COBL: variants seen among roughly 807,000 people sequenced by gnomAD.
The protein encoded by COBL is cordon-bleu WH2 repeat protein.
COBL carries 51 observed loss-of-function variants against 98.8 expected under a neutral mutation model. That is an observed-to-expected ratio of 0.52 (90% CI 0.41 to 0.65). The LOEUF is 0.65. COBL is among the 30% of genes least tolerant of loss of function. The pLI is 0.00. For missense variants in COBL, 1,617 were observed against 1,617.5 expected (o/e 1.00, Z 0.01); for synonymous variants, 634 against 651.7 (o/e 0.97, Z 0.41).
chr7:51,073,685 T>A (rs995035481), intron 7 of COBL, among the ~76,000 whole-genome samples: 26 of 152,158 alleles, frequency 1.7e-4, no homozygotes, highest in Non-Finnish European at 1.6e-4. Flanking sequence ...GGATTTGGTA[T>A]GAAACCTAAG....
intron 5 of COBL, among the ~76,000 whole-genome samples, chr7:51,157,736 T>C (rs1786328816): frequency 6.6e-6 from 1 of 152,268 alleles, no homozygotes. Flanking sequence ...TTGTACTATA[T>C]GGTGACTATA....
Position 51,141,076 on chromosome 7 carries a change from A to G in COBL, c.784-4745T>C, listed in dbSNP as rs73697813. Among the ~76,000 whole-genome samples, 968 of 152,162 alleles carry G rather than the reference A, an allele frequency of 6.4e-3. 7 individuals carry two copies. Among genetic ancestry groups the G allele is most frequent in the African/African-American group, 0.022 (930 of 41,506 alleles). ...TTACTGTACTGCACAATACACTTCC[A>G]GGGACAAACAGGAGATGCTGTACCT... On this transcript the variant is annotated intron_variant, in intron 5 of 12. Coordinates refer to ENST00000265136, the MANE Select transcript of COBL (RefSeq NM_015198.5).
chr7:51,172,701 A>C (rs1787997988), intron 5 of COBL, among the ~76,000 whole-genome samples: 1 of 152,260 alleles, frequency 6.6e-6, no homozygotes, highest in Non-Finnish European at 1.5e-5. Context: ...GACCTGAACC[A>C]AAGTGCTCCC....
At chr7:51,155,858 G>A (rs1180765495) in intron 5 of COBL, among the ~76,000 whole-genome samples, 1 of 152,076 alleles carries the variant, frequency 6.6e-6, no homozygotes, top group African/African-American at 2.4e-5. Flanking sequence ...CATTGTGATG[G>A]TTCTTACGGA....
At chr7:51,195,689 C>T (rs1790527021) in intron 2 of COBL, among the ~76,000 whole-genome samples, 1 of 152,050 alleles carries the variant, frequency 6.6e-6, no homozygotes, top group Admixed American at 6.6e-5. Flanking sequence ...GTTTTGTAGT[C>T]TCCTTGTAGA....
chr7:51,248,682 A>G (rs200395396), intron 1 of COBL, among the ~76,000 whole-genome samples: 1 of 152,206 alleles, frequency 6.6e-6, no homozygotes, highest in East Asian at 1.9e-4. Flanking sequence ...TCCTCAATCT[A>G]CCCAGTCTTT....
intron 1 of COBL, among the ~76,000 whole-genome samples, chr7:51,269,143 T>C (rs1197102941): frequency 6.6e-6 from 1 of 152,000 alleles, no homozygotes; most frequent in African/African-American, 2.4e-5. Context: ...GGAGTGCTTC[T>C]GTGTCCAAAT....
chr7:51,232,383 A>T (rs1378975969), intron 1 of COBL, among the ~76,000 whole-genome samples: 2 of 152,080 alleles, frequency 1.3e-5, no homozygotes, highest in African/African-American at 4.8e-5. Context: ...CCCACAACCC[A>T]TCTGGCTGTG....
At chr7:51,142,472 C>T (rs1412203092) in intron 5 of COBL, among the ~76,000 whole-genome samples, 3 of 148,912 alleles carry the variant, frequency 2.0e-5, no homozygotes, top group Non-Finnish European at 4.4e-5. Context: ...CAACCTCTGC[C>T]TCCCTGGTTC....
rs184520448 is a variant in COBL, at chr7:51,025,369, C to G, written c.3508G>C (p.Ala1170Pro). The change falls in exon 12 of 13, where the codon GCA becomes CCA. Residue 1170 changes from alanine (A) to proline (P), a missense_variant. Physicochemically the swap from Ala to Pro is conservative, Grantham distance 27. Coordinates refer to ENST00000265136, the MANE Select transcript of COBL (RefSeq NM_015198.5). ...TGGAGCTCCTCAGAAGCAGAGGATG[C>G]CACCTGGCAATGAGATGATTAAATG... is the stretch of plus-strand genomic sequence containing the variant. ...HSGTCSLRKV[A>P]SSASEELQSF... The G allele has an allele frequency of 3.7e-6, 6 of 1,613,014 alleles. No individual in the cohort carries two copies. In the Admixed American group the frequency reaches 6.7e-5, roughly 18 times the overall value.
At chr7:51,145,810 T>G (rs1311709737) in intron 5 of COBL, among the ~76,000 whole-genome samples, 1 of 152,214 alleles carries the variant, frequency 6.6e-6, no homozygotes, top group Admixed American at 6.5e-5. Context: ...TTGTTTTCCT[T>G]TTGTTTGAAC....
chr7:51,149,984 C>G (rs2129020419), intron 5 of COBL, among the ~76,000 whole-genome samples: 1 of 152,248 alleles, frequency 6.6e-6, no homozygotes, highest in East Asian at 1.9e-4. Context: ...CTCATGTTTT[C>G]TTTACTTCCA....
intron 1 of COBL, among the ~76,000 whole-genome samples, chr7:51,233,058 A>G (rs1287761515): frequency 6.6e-6 from 1 of 152,246 alleles, no homozygotes; most frequent in Non-Finnish European, 1.5e-5. Context: ...GAGAAAATAA[A>G]TACAAACAGC....
chr7:51,182,617 A>G (rs1336036233), intron 5 of COBL, among the ~76,000 whole-genome samples: 1 of 143,730 alleles, frequency 7.0e-6, no homozygotes, highest in Non-Finnish European at 1.5e-5. Flanking sequence ...AGTAATTCTG[A>G]CAGGAAAGGA....
At chr7:51,224,278 G>A (rs1793955793) in intron 1 of COBL, among the ~76,000 whole-genome samples, 2 of 152,216 alleles carry the variant, frequency 1.3e-5, no homozygotes, top group South Asian at 4.1e-4. Context: ...GCTTATTGAT[G>A]ATGATGATAT....
At chr7:51,314,171 G>A (rs1803316788) in intron 1 of COBL, among the ~76,000 whole-genome samples, 1 of 152,202 alleles carries the variant, frequency 6.6e-6, no homozygotes, top group Non-Finnish European at 1.5e-5. Context: ...CTAGAAGAGC[G>A]TTTGTAGGCC....
chr7:51,261,107 G>A (rs1797674601), intron 1 of COBL, among the ~76,000 whole-genome samples: 1 of 152,156 alleles, frequency 6.6e-6, no homozygotes, highest in Non-Finnish European at 1.5e-5. Context: ...CCCACCGCAG[G>A]AGATGTGCAC....
intron 5 of COBL, among the ~76,000 whole-genome samples, chr7:51,166,946 A>G (rs1320766477): frequency 6.6e-6 from 1 of 152,164 alleles, no homozygotes; most frequent in Non-Finnish European, 1.5e-5. Context: ...GATAGAAGTA[A>G]CATATCTTAA....
chr7:51,204,764 T>A (rs1791506847), intron 2 of COBL, among the ~76,000 whole-genome samples: 1 of 152,132 alleles, frequency 6.6e-6, no homozygotes, highest in Admixed American at 6.5e-5. Context: ...TTGGCCAGGA[T>A]GGTCTCGATC....
Sources: gnomAD v4.1 joint callset for allele counts (sites outside exome capture counted in the v4.1 genomes callset) on GRCh38, gnomAD v4.1.1 for gene constraint, MANE v1.5 for transcripts, NCBI Gene and HGNC (gene_info 2026-07-23, HGNC 2026-07-21) for gene names.